ROPN1: variants seen among roughly 807,000 people sequenced by gnomAD.
ROPN1 encodes the protein rhophilin associated tail protein 1.
ROPN1 carries 14 observed loss-of-function variants against 20.5 expected under a neutral mutation model. The ratio of observed to expected loss-of-function variants is 0.68; its 90% CI spans 0.45 to 1.07. The LOEUF (loss-of-function observed/expected upper bound fraction) is 1.07, where lower values mean the gene tolerates loss of function less well. Among genes scored for constraint, ROPN1 ranks in the 50% least tolerant of loss-of-function variants. ROPN1 has a pLI of 0.00. For synonymous variants in ROPN1, 76 were observed against 95.7 expected (o/e 0.79, Z 1.20); for missense variants, 169 against 242.8 (o/e 0.70, Z 2.02).
rs184233474 is a variant in ROPN1 at position 123,986,994 on chromosome 3, C to T, written c.-13+4928G>A. 9.8e-5 allele frequency among the ~76,000 whole-genome samples: 15 copies of T among 152,350 alleles called. No homozygotes were observed. The East Asian group carries it at 1.9e-3, about 20-fold the overall frequency. ...ACCAGCCCCATCTGATGAACAAGACCGCCCTGCAGAGATCAGGTCCAACAG... is the reference window on the plus strand; with the variant it reads ...ACCAGCCCCATCTGATGAACAAGACTGCCCTGCAGAGATCAGGTCCAACAG... On this transcript the variant is annotated intron_variant, in intron 1 of 5. Transcript: ENST00000405845.
chr3:123,980,283 A>G, intron 2 of ROPN1, 83 bp downstream of exon 2: 1 of 1,284,226 alleles, frequency 7.8e-7, no homozygotes, highest in Non-Finnish European at 1.1e-6. Context: ...TCCTAGCTGC[A>G]GCCATGACAA....
intron 1 of ROPN1, among the ~76,000 whole-genome samples, chr3:123,986,401 T>C (rs915961544): frequency 5.3e-5 from 8 of 152,062 alleles, no homozygotes; most frequent in Admixed American, 4.6e-4. Context: ...AAGGCAGCTA[T>C]TGTGGGGAGC....
intron 2 of ROPN1, among the ~76,000 whole-genome samples, chr3:123,977,585 T>C (rs1297049060): frequency 1.3e-5 from 2 of 152,146 alleles, no homozygotes; most frequent in Non-Finnish European, 2.9e-5. Context: ...GGAAGTGTCC[T>C]GGGGTGAATC....
intron 1 of ROPN1, 135 bp from the exon 2 acceptor site, chr3:123,980,628 A>G (rs2038123244): frequency 3.0e-6 from 2 of 671,862 alleles, no homozygotes; most frequent in Non-Finnish European, 2.4e-6. Flanking sequence ...GCATTCTATT[A>G]TTACACAACG....
At chr3:123,985,352 T>C (rs2038229558) in intron 1 of ROPN1, among the ~76,000 whole-genome samples, 1 of 152,262 alleles carries the variant, frequency 6.6e-6, no homozygotes, top group South Asian at 2.1e-4. Flanking sequence ...TGATAATCTT[T>C]ATGCATATGT....
chr3:123,988,266 C>A (rs1318391350), intron 1 of ROPN1, among the ~76,000 whole-genome samples: 1 of 152,150 alleles, frequency 6.6e-6, no homozygotes, highest in Non-Finnish European at 1.5e-5. Context: ...CTGCCTCAAC[C>A]TCCTGAATAG....
intron 4 of ROPN1, among the ~76,000 whole-genome samples, chr3:123,971,091 T>C (rs78484289): frequency 0.13 from 19,114 of 152,200 alleles, 2,827 homozygotes; most frequent in East Asian, 0.34. Context: ...AAAGATCAGT[T>C]CTGAGTGGTG....
intron 1 of ROPN1, among the ~76,000 whole-genome samples, chr3:123,985,896 C>T (rs2038240088): frequency 6.8e-6 from 1 of 148,090 alleles, no homozygotes; most frequent in African/African-American, 2.5e-5. Flanking sequence ...CCTATAGTCC[C>T]AGCTACTCAG....
At chr3:123,980,014 C>A (rs1211406058) in intron 2 of ROPN1, 2 of 496,624 alleles carry the variant, frequency 4.0e-6, no homozygotes, top group East Asian at 6.3e-5. Flanking sequence ...TTCGGAGATT[C>A]CCAGCCCTTC....
intron 4 of ROPN1, among the ~76,000 whole-genome samples, chr3:123,972,003 A>G (rs776651508): frequency 1.6e-4 from 24 of 152,328 alleles, no homozygotes; most frequent in Admixed American, 7.8e-4. Context: ...GGCACAGAGG[A>G]ACACAGTTTG....
intron 4 of ROPN1, among the ~76,000 whole-genome samples, chr3:123,973,037 T>C (rs2037945872): frequency 6.6e-6 from 1 of 152,136 alleles, no homozygotes. Context: ...GCAACTTTTA[T>C]AAGGGCACTA....
chr3:123,980,378 TG>T lies in ROPN1; in HGVS notation c.103del (p.Gln35SerfsTer18). On this transcript the variant is annotated frameshift_variant, in exon 2 of 6. Transcript: ENST00000405845. LOFTEE classifies it high-confidence loss of function. ...AAGGAGCACGTACTCGGCTGCCCACTGGATGAGGTCCTGCGGCTGCACCCTA... is the reference window on the plus strand; with the variant it reads ...AAGGAGCACGTACTCGGCTGCCCACTGATGAGGTCCTGCGGCTGCACCCTA... ...AIRVQPQDLI[Q>X]WAADYFEALS... is the part of the protein sequence containing the mutation. 1 of 1,614,218 alleles carries T rather than the reference TG, an allele frequency of 6.2e-7. No individual in the cohort carries two copies. The highest frequency in any genetic ancestry group is 8.5e-7 in the Non-Finnish European group (1 of 1,180,034).
At chr3:123,979,951 G>T (rs1161757533) in intron 2 of ROPN1, 9 of 378,532 alleles carry the variant, frequency 2.4e-5, no homozygotes, top group Non-Finnish European at 3.8e-5. Context: ...TCCCCCGGCT[G>T]CACTGCTGCC....
chr3:123,986,055 T>C (rs2038247505), intron 1 of ROPN1, among the ~76,000 whole-genome samples: 1 of 146,086 alleles, frequency 6.8e-6, no homozygotes, highest in African/African-American at 2.5e-5. Context: ...TAAATGATAT[T>C]TATATTTTGT....
At chr3:123,984,868 G>A (rs2038219456) in intron 1 of ROPN1, among the ~76,000 whole-genome samples, 1 of 152,048 alleles carries the variant, frequency 6.6e-6, no homozygotes, top group Admixed American at 6.6e-5. Context: ...TACTTGAAGT[G>A]CCCTTCTTCT....
chr3:123,976,363 A>G lies in ROPN1; in HGVS notation c.234+501T>C, dbSNP rs560996084. Among the ~76,000 whole-genome samples the G allele has an allele frequency of 2.0e-4, 31 of 152,256 alleles. No homozygotes were observed. In the South Asian group the frequency reaches 6.2e-3, roughly 31 times the overall value. ...TGTCCTGGGAATTTGCCAAACCACA[A>G]ACTTTCTCAAGCTGCACCTTCCTCA... On this transcript the variant is annotated intron_variant, in intron 3 of 5. Transcript: ENST00000405845.
intron 1 of ROPN1, among the ~76,000 whole-genome samples, chr3:123,983,474 C>A (rs1369621665): frequency 6.6e-6 from 1 of 152,194 alleles, no homozygotes; most frequent in Non-Finnish European, 1.5e-5. Flanking sequence ...TGCCCCAATC[C>A]TAATTAAGGA....
chr3:123,981,067 G>A (rs1394748558), intron 1 of ROPN1, among the ~76,000 whole-genome samples: 5 of 152,108 alleles, frequency 3.3e-5, no homozygotes, highest in East Asian at 1.9e-4. Context: ...TGGAAAATTC[G>A]TACATTTTCT....
chr3:123,976,137 G>C (rs1357999032), intron 3 of ROPN1, among the ~76,000 whole-genome samples: 2 of 152,186 alleles, frequency 1.3e-5, no homozygotes, highest in Admixed American at 6.5e-5. Context: ...TGGATAAAAG[G>C]AGGGAAGGTG....
Sources: allele counts gnomAD v4.1 joint callset (sites outside exome capture counted in the v4.1 genomes callset), GRCh38; gene constraint gnomAD v4.1.1; transcripts MANE v1.5; gene names NCBI Gene and HGNC (gene_info 2026-07-23, HGNC 2026-07-21).